Variants in GP9 observed in about 807,000 individuals in gnomAD.
GP9 encodes platelet glycoprotein IX.
For missense variants in GP9, 228 were observed against 241.8 expected (o/e 0.94, Z 0.38); for synonymous variants, 116 against 116.7 (o/e 0.99, Z 0.04).
At chr3:129,056,097 T>G (rs1241620413), upstream of GP9, among the ~76,000 whole-genome samples, 1 of 152,202 alleles carries the variant, frequency 6.6e-6, no homozygotes, top group Non-Finnish European at 1.5e-5. Context: ...GTCTTTGATT[T>G]TCCCCATTCT....
chr3:129,055,319 G>A, the GP9 span, among the ~76,000 whole-genome samples: 1 of 152,204 alleles, frequency 6.6e-6, no homozygotes, highest in Admixed American at 6.5e-5. Context: ...GTATATAAAT[G>A]TATTTTAAGA....
chr3:129,059,829 C>G (rs1414059642), upstream of GP9, among the ~76,000 whole-genome samples: 4 of 152,212 alleles, frequency 2.6e-5, no homozygotes, highest in Non-Finnish European at 2.9e-5. Context: ...AGCACACCCC[C>G]ACCCCCGTAG....
upstream of GP9, among the ~76,000 whole-genome samples, chr3:129,057,302 G>A (rs1946529907): frequency 6.6e-6 from 1 of 152,210 alleles, no homozygotes; most frequent in African/African-American, 2.4e-5. Flanking sequence ...GCCTTGGCAA[G>A]GGAGGCCTTT....
chr3:129,062,158 A>C lies in GP9; in HGVS notation c.419A>C (p.Gln140Pro). The stretch of plus-strand genomic sequence containing the variant: ...CTGGGCAGCTGTGGCTGGCAGCTGC[A>C]GGCGTCCTGGGTGCGCCCGGGGGTC... ...YQLGSCGWQLQASWVRPGVLW... is the reference protein window; with the variant it reads ...YQLGSCGWQLPASWVRPGVLW... Residue 140 changes from glutamine (Q) to proline (P), a missense_variant, in exon 3 of 3, where the codon CAG becomes CCG. Coordinates refer to ENST00000307395, the MANE Select transcript of GP9 (RefSeq NM_000174.5). 7 of 1,582,784 alleles carry C rather than the reference A, an allele frequency of 4.4e-6. No individual in the cohort carries two copies. The highest frequency in any genetic ancestry group is 6.0e-6 in the Non-Finnish European group (7 of 1,168,188).
Position 129,061,811 on chromosome 3 carries a change from T to C in GP9, c.72T>C (p.Cys24=), listed in dbSNP as rs1299714704. ...AEATKDCPSP[C]TCRALETMGL... Reference sequence around the variant, plus strand: ...CCACCAAGGACTGCCCCAGCCCATGTACCTGCCGCGCCCTGGAAACCATGG... The same window carrying C: ...CCACCAAGGACTGCCCCAGCCCATGCACCTGCCGCGCCCTGGAAACCATGG... The change falls in exon 3 of 3, where the codon TGT becomes TGC. Residue 24 remains cysteine (C), a synonymous_variant. Coordinates refer to ENST00000307395, the MANE Select transcript of GP9 (RefSeq NM_000174.5). The C allele has an allele frequency of 1.9e-6, 3 of 1,612,770 alleles. No individual in the cohort carries two copies. Among genetic ancestry groups the C allele is most frequent in the African/African-American group, 1.3e-5 (1 of 74,928 alleles).
upstream of GP9, among the ~76,000 whole-genome samples, chr3:129,059,499 C>T (rs990837655): frequency 6.6e-6 from 1 of 152,204 alleles, no homozygotes; most frequent in African/African-American, 2.4e-5. Flanking sequence ...GTCCAGGCTC[C>T]GGTCAGAGTC....
At chr3:129,055,026 G>A in the GP9 span, among the ~76,000 whole-genome samples, 42 of 152,286 alleles carry the variant, frequency 2.8e-4, no homozygotes, top group Admixed American at 6.5e-4. Flanking sequence ...ATAATTTAGC[G>A]TCTTATTTGC....
At chr3:129,058,535 T>C (rs1289349560), upstream of GP9, among the ~76,000 whole-genome samples, 1 of 152,180 alleles carries the variant, frequency 6.6e-6, no homozygotes, top group Non-Finnish European at 1.5e-5. Flanking sequence ...AACCGCTAGT[T>C]GCCCTCACTG....
chr3:129,055,618 G>A, the GP9 span, among the ~76,000 whole-genome samples: 1 of 151,784 alleles, frequency 6.6e-6, no homozygotes, highest in Non-Finnish European at 1.5e-5. Context: ...CAAAGGGTGT[G>A]AGGGCCCCCT....
At position 129,062,186 on chromosome 3, in the gene GP9, G is replaced by C; in HGVS notation, c.447G>C (p.Leu149Phe). 1 of 1,573,514 alleles carries C rather than the reference G, an allele frequency of 6.4e-7. No individual in the cohort carries two copies. Among genetic ancestry groups the C allele is most frequent in the East Asian group, 2.3e-5 (1 of 43,002 alleles). Residue 149 changes from leucine (L) to phenylalanine (F), a missense_variant, in exon 3 of 3, where the codon TTG (leucine) becomes TTC (phenylalanine). Transcript: ENST00000307395. ...CGTCCTGGGTGCGCCCGGGGGTCTT[G>C]TGGGACGTGGCGCTGGTCGCCGTGG... ...LQASWVRPGV[L>F]WDVALVAVAA...
At chr3:129,059,148 T>C (rs910269024), upstream of GP9, among the ~76,000 whole-genome samples, 1 of 152,272 alleles carries the variant, frequency 6.6e-6, no homozygotes. Flanking sequence ...TTCCAGTTCA[T>C]CTGAACATTC....
upstream of GP9, among the ~76,000 whole-genome samples, chr3:129,060,269 A>G (rs577928400): frequency 1.8e-4 from 28 of 152,348 alleles, no homozygotes; most frequent in Middle Eastern, 3.4e-3. Context: ...AGAGGCATGG[A>G]GAAGCACTAG....
In GP9 at chr3:129,062,276, C is replaced by T. The variant is rs1237703846; in HGVS notation, c.*3C>T. The T allele has an allele frequency of 2.6e-6, 4 of 1,543,082 alleles. No individual in the cohort carries two copies. The African/African-American group carries it at 5.5e-5, about 21-fold the overall frequency. ...CCACCACAGAGGCCCTGGATTGAGC[C>T]AGGCCCCCAGAACCCCTGGCTCCAG... On this transcript the variant is annotated 3_prime_UTR_variant, in exon 3 of 3. Transcript: ENST00000307395.
At position 129,061,938 on chromosome 3, in the gene GP9, C is replaced by T. The variant is rs758119211; in HGVS notation, c.199C>T (p.Pro67Ser). Reference protein sequence around the residue: ...LLANNSLQSVPPGAFDHLPQL... With the variant: ...LLANNSLQSVSPGAFDHLPQL... ...GGCCAACAACAGCCTTCAGTCCGTG[C>T]CCCCGGGAGCCTTTGACCACCTGCC... is the stretch of plus-strand genomic sequence containing the variant. The change falls in exon 3 of 3, where the codon CCC becomes TCC. Residue 67 changes from proline (P) to serine (S), a missense_variant. Pro to Ser is a moderately conservative substitution (Grantham distance 74). Coordinates refer to ENST00000307395, the MANE Select transcript of GP9 (RefSeq NM_000174.5). 4 of 1,613,694 alleles carry T rather than the reference C, an allele frequency of 2.5e-6. No homozygotes were observed. The East Asian group carries it at 8.9e-5, about 36-fold the overall frequency.
chr3:129,061,398 C>A, intron 1 of GP9, 96 bp from the exon 2 acceptor site: 1 of 432,526 alleles, frequency 2.3e-6, no homozygotes. Flanking sequence ...ATTTAGCAGC[C>A]ATCTGCTCCT....
chr3:129,061,701 C>A, intron 2 of GP9, 27 bp from the exon 3 acceptor site: 1 of 1,571,590 alleles, frequency 6.4e-7, no homozygotes, highest in Non-Finnish European at 8.7e-7. Flanking sequence ...GCTGCCAGGC[C>A]CTCCCTCACA....
rs916958210 is a variant in GP9 at position 129,062,265 on chromosome 3, C to T, written c.526C>T (p.Leu176=). ...CCTGCTGTGTGCCACCACAGAGGCC[C>T]TGGATTGAGCCAGGCCCCCAGAACC... ...AGLLCATTEA[L]D Residue 176 remains leucine, a synonymous_variant, in exon 3 of 3, where the codon CTG becomes TTG. Coordinates refer to ENST00000307395, the MANE Select transcript of GP9 (RefSeq NM_000174.5). 1 of 1,548,686 alleles carries T rather than the reference C, an allele frequency of 6.5e-7. No individual in the cohort carries two copies. Among genetic ancestry groups the T allele is most frequent in the African/African-American group, 1.4e-5 (1 of 73,214 alleles).
At chr3:129,057,827 C>CTTT (rs199729798), upstream of GP9, among the ~76,000 whole-genome samples, 17 of 136,304 alleles carry the variant, frequency 1.2e-4, 2 homozygotes, top group East Asian at 5.3e-4. Context: ...TTATAGGTTG[C>CTTT]TTCTTTTTTT....
At position 129,062,305 on chromosome 3, in the gene GP9, A is replaced by T; in HGVS notation, c.*32A>T. 6.8e-7 allele frequency: 1 copy of T among 1,475,736 alleles called. No homozygotes were observed. Among genetic ancestry groups the T allele is most frequent in the Non-Finnish European group, 9.2e-7 (1 of 1,086,396 alleles). 91.4% of individuals were successfully genotyped at this position (1,475,736 alleles called of 1,614,324 possible). On this transcript the variant is annotated 3_prime_UTR_variant, in exon 3 of 3. Coordinates refer to ENST00000307395, the MANE Select transcript of GP9 (RefSeq NM_000174.5). Reference sequence around the variant, plus strand: ...CCCCCAGAACCCCTGGCTCCAGGCCAGGGGGCCAGTCCCTGAGGCAGGTCC... The same window carrying T: ...CCCCCAGAACCCCTGGCTCCAGGCCTGGGGGCCAGTCCCTGAGGCAGGTCC...
Sources: gnomAD v4.1 joint callset for allele counts (sites outside exome capture counted in the v4.1 genomes callset) on GRCh38, gnomAD v4.1.1 for gene constraint, MANE v1.5 for transcripts, NCBI Gene and HGNC (gene_info 2026-07-23, HGNC 2026-07-21) for gene names.